Variants in DYSF observed in about 807,000 individuals in gnomAD.
The protein encoded by DYSF is dystrophy-associated fer-1-like 1.
DYSF carries 212 observed loss-of-function variants against 274.9 expected under a neutral mutation model. That is an observed-to-expected ratio of 0.77 (90% confidence interval 0.69 to 0.86). The LOEUF is 0.86. Ranked by LOEUF, DYSF falls within the 40% of genes least tolerant of loss-of-function variation. The pLI is 0.00. For missense variants in DYSF, 2,666 were observed against 2,783.2 expected, an observed-to-expected ratio of 0.96 and a Z score of 0.95; for synonymous variants, 1,091 against 1,078.7, an observed-to-expected ratio of 1.01 and a Z score of -0.22.
At position 71,611,354 on chromosome 2, in the gene DYSF, G is replaced by A. The variant is rs770831705; in HGVS notation, c.4059+8G>A. 39 of 1,612,690 alleles carry A rather than the reference G, an allele frequency of 2.4e-5. No individual in the cohort carries two copies. The highest frequency in any genetic ancestry group is 2.0e-4 in the South Asian group (18 of 91,066). On this transcript the variant is annotated splice_region_variant and intron_variant, in intron 37 of 55. Coordinates refer to ENST00000410020, the MANE Select transcript of DYSF (RefSeq NM_001130987.2). ...CAGCGTACCGCCATCGAGGTGAGCC[G>A]TCCGGGCCTGGGCGTGGGGGCTGGG...
chr2:71,667,502 C>A lies in DYSF; in HGVS notation c.5444C>A (p.Pro1815Gln). ...CGGCCCCTCTACAGCCCCCTGCAGC[C>A]AGACATCGAGCAGGTAGGACCTTGA... The part of the protein sequence containing the change: ...ESRPLYSPLQ[P>Q]DIEQGKLQMW... Residue 1815 changes from proline (P) to glutamine (Q), a missense_variant, in exon 48 of 56, where the codon CCA becomes CAA. By Grantham distance (76) the Pro-to-Gln change is moderately conservative. Around this residue, in one of 3 missense-constraint regions of DYSF, gnomAD observed 1,460 missense variants for 1,502.1 expected, o/e 0.97. Coordinates refer to ENST00000410020, the MANE Select transcript of DYSF (RefSeq NM_001130987.2). 1 of 1,614,136 alleles carries A rather than the reference C, an allele frequency of 6.2e-7. No individual in the cohort carries two copies. The highest frequency in any genetic ancestry group is 8.5e-7 in the Non-Finnish European group (1 of 1,180,010).
At chr2:71,493,155 G>A (rs767991962) in intron 3 of DYSF, among the ~76,000 whole-genome samples, 1 of 152,106 alleles carries the variant, frequency 6.6e-6, no homozygotes, top group Non-Finnish European at 1.5e-5. Context: ...TCCTAAAGTG[G>A]TGGGATTACA....
At chr2:71,546,100 C>A (rs1216880809) in intron 17 of DYSF, among the ~76,000 whole-genome samples, 2 of 152,266 alleles carry the variant, frequency 1.3e-5, no homozygotes, top group Admixed American at 1.3e-4. Flanking sequence ...CGACCCGTTC[C>A]TGCAGAGGTG....
chr2:71,569,343 C>T (rs2152813084), intron 26 of DYSF, among the ~76,000 whole-genome samples: 1 of 152,316 alleles, frequency 6.6e-6, no homozygotes, highest in South Asian at 2.1e-4. Flanking sequence ...CCTCTCAGAT[C>T]CACGTGGTCC....
chr2:71,612,399 A>C (rs1280339984), intron 38 of DYSF, among the ~76,000 whole-genome samples: 3 of 152,148 alleles, frequency 2.0e-5, no homozygotes, highest in Non-Finnish European at 4.4e-5. Flanking sequence ...CTTCAGGCTG[A>C]ACAGGATGCA....
chr2:71,464,957 A>G (rs1379468869), upstream of DYSF, among the ~76,000 whole-genome samples: 8 of 152,112 alleles, frequency 5.3e-5, no homozygotes, highest in Non-Finnish European at 5.9e-5. Context: ...AGTTTTGGTG[A>G]CCTGGTGGGG....
At chr2:71,528,229 A>G (rs2088195833) in intron 13 of DYSF, 69 bp from the exon 14 acceptor site, 1 of 1,403,006 alleles carries the variant, frequency 7.1e-7, no homozygotes, top group Non-Finnish European at 1.0e-6. Context: ...CTGGAGACAG[A>G]TGGGGGACAG....
chr2:71,664,818 C>T (rs187008630), intron 46 of DYSF, among the ~76,000 whole-genome samples: 34 of 152,288 alleles, frequency 2.2e-4, no homozygotes, highest in Non-Finnish European at 3.4e-4. Context: ...CAACTGGGCC[C>T]GAAGGGGAAT....
chr2:71,564,959 C>T (rs1164748688), intron 24 of DYSF, among the ~76,000 whole-genome samples: 1 of 152,202 alleles, frequency 6.6e-6, no homozygotes, highest in Non-Finnish European at 1.5e-5. Flanking sequence ...GTGCAGGACA[C>T]AATGCGGGAG....
At chr2:71,673,468 G>T (rs940282032) in intron 51 of DYSF, among the ~76,000 whole-genome samples, 1 of 152,162 alleles carries the variant, frequency 6.6e-6, no homozygotes, top group South Asian at 2.1e-4. Context: ...CTTTGGCTTT[G>T]CCCTGGGTCA....
chr2:71,622,164 C>T (rs1286372554), intron 41 of DYSF, among the ~76,000 whole-genome samples: 2 of 136,320 alleles, frequency 1.5e-5, no homozygotes, highest in African/African-American at 2.8e-5. Flanking sequence ...CCAGGTACAT[C>T]TGTTCAGGCC....
intron 3 of DYSF, among the ~76,000 whole-genome samples, chr2:71,493,865 A>AAAG (rs1461816895): frequency 6.7e-6 from 1 of 150,208 alleles, no homozygotes; most frequent in Non-Finnish European, 1.5e-5. Context: ...AAAAAAAAAA[A>AAAG]AAAAAAAAAG....
At position 71,660,788 on chromosome 2, in the gene DYSF, A is replaced by G. The variant is rs144394609; in HGVS notation, c.5003+137A>G. 8 of 757,168 alleles carry G rather than the reference A, an allele frequency of 1.1e-5. No homozygotes were observed. The African/African-American group carries it at 1.2e-4, about 11-fold the overall frequency. The allele number at this position is 757,168 out of a possible 1,614,324, so 46.9% of individuals were successfully genotyped here. A position where few individuals can be genotyped will look rare whatever the true frequency, so the allele number is the denominator to read the frequency against. On this transcript the variant is annotated intron_variant, in intron 45 of 55. Transcript: ENST00000410020. ...TGTATTCCTTAAATCTTGCATGTCT[A>G]TGGGGGCATAGCCTCAGTTAGCCCT...
chr2:71,651,662 A>G (rs1042969766), intron 42 of DYSF, among the ~76,000 whole-genome samples: 2 of 152,198 alleles, frequency 1.3e-5, no homozygotes, highest in Non-Finnish European at 2.9e-5. Context: ...CTCGATTTTT[A>G]TAGAGCTAGA....
intron 41 of DYSF, among the ~76,000 whole-genome samples, chr2:71,640,117 C>T (rs1353854794): frequency 6.6e-6 from 1 of 152,206 alleles, no homozygotes; most frequent in East Asian, 1.9e-4. Context: ...CACTGGCAGT[C>T]TAGCTTCTGG....
chr2:71,571,045 AG>A (rs2092396016), intron 29 of DYSF: 49 of 448,400 alleles, frequency 1.1e-4, no homozygotes, highest in African/African-American at 9.0e-4. Context: ...GATTACACCC[AG>A]CACACACACA....
intron 45 of DYSF, among the ~76,000 whole-genome samples, chr2:71,663,613 G>T (rs1253292765): frequency 2.0e-5 from 3 of 152,214 alleles, no homozygotes; most frequent in African/African-American, 7.2e-5. Flanking sequence ...CACCTGCAGG[G>T]AGCTCATTTT....
At chr2:71,493,368 T>C (rs1416759285) in intron 3 of DYSF, among the ~76,000 whole-genome samples, 1 of 152,234 alleles carries the variant, frequency 6.6e-6, no homozygotes, top group African/African-American at 2.4e-5. Context: ...GTTTCCTTAG[T>C]CTTTGTCTTT....
At chr2:71,625,393 A>T (rs1419572384) in intron 41 of DYSF, among the ~76,000 whole-genome samples, 1 of 152,156 alleles carries the variant, frequency 6.6e-6, no homozygotes, top group East Asian at 1.9e-4. Context: ...TTCTCATGTA[A>T]CTAACCAATG....
Sources: allele counts gnomAD v4.1 joint callset (sites outside exome capture counted in the v4.1 genomes callset), GRCh38; gene constraint gnomAD v4.1.1; regional missense constraint gnomAD v4.1.1; transcripts MANE v1.5; gene names NCBI Gene and HGNC (gene_info 2026-07-23, HGNC 2026-07-21).